TTLL7: variants seen among roughly 807,000 people sequenced by gnomAD.
TTLL7 encodes the protein tubulin polyglutamylase TTLL7.
TTLL7 carries 53 observed loss-of-function variants against 120.2 expected under a neutral mutation model. The observed-to-expected ratio is 0.44, with a 90% CI of 0.35 to 0.55. The LOEUF is 0.55. Among genes scored for constraint, TTLL7 ranks in the 20% least tolerant of loss-of-function variants. TTLL7 has a pLI of 0.00. For synonymous variants in TTLL7, 353 were observed against 351.7 expected (o/e 1.00, Z -0.04); for missense variants, 803 against 1,054.7 (o/e 0.76, Z 3.31).
intron 13 of TTLL7, 126 bp from the exon 14 acceptor site, chr1:83,917,816 A>G (rs572217380): frequency 2.5e-5 from 16 of 645,856 alleles, no homozygotes; most frequent in Non-Finnish European, 3.2e-5. Flanking sequence ...GATTGCTCAG[A>G]AAAAAGGAGA....
Position 83,982,308 on chromosome 1 carries a change from A to C in TTLL7, c.-177+16623T>G, listed in dbSNP as rs1017805713. ...GAAATTTAGACACCTAAATGCTTAC[A>C]TTAGAAAAGAGAAACACTCTCAAAT... On this transcript the variant is annotated intron_variant, in intron 1 of 20. Coordinates refer to ENST00000260505, the MANE Select transcript of TTLL7 (RefSeq NM_024686.6). 3.3e-5 allele frequency among the ~76,000 whole-genome samples: 5 copies of C among 152,340 alleles called. No homozygotes were observed. In the East Asian group the frequency reaches 7.7e-4, roughly 24 times the overall value.
chr1:83,921,272 TG>T lies in TTLL7; in HGVS notation c.1264del (p.Gln422SerfsTer9). ...GSSDWEQQRHQLERRKEELKE... is the reference protein window; with the variant it reads ...GSSDWEQQRHXLERRKEELKE... ...CAACTCTTCTTTCCGCCTCTCCAAC[TG>T]GTGTCTCTGCTGTTCCCAGTCTGAG... is the stretch of plus-strand genomic sequence containing the variant. On this transcript the variant is annotated frameshift_variant, in exon 11 of 21. Coordinates refer to ENST00000260505, the MANE Select transcript of TTLL7 (RefSeq NM_024686.6). LOFTEE classifies it high-confidence loss of function. The T allele has an allele frequency of 6.2e-7, 1 of 1,613,034 alleles. No homozygotes were observed. The highest frequency in any genetic ancestry group is 8.5e-7 in the Non-Finnish European group (1 of 1,179,672).
At chr1:83,900,048 G>T in intron 18 of TTLL7, 1 of 343,754 alleles carries the variant, frequency 2.9e-6, no homozygotes, top group East Asian at 8.8e-5. Context: ...TAAAACATAT[G>T]AAATTGTTTC....
Position 83,878,217 on chromosome 1 carries a change from C to A in TTLL7, c.2543+4746G>T, listed in dbSNP as rs7529245. 7.2e-3 allele frequency among the ~76,000 whole-genome samples: 1,091 copies of A among 150,624 alleles called. 19 individuals carry two copies. Among genetic ancestry groups the A allele is most frequent in the African/African-American group, 0.025 (1,043 of 41,088 alleles). ...TTTGGGTTTGTTTTTTTTTTTATTC[C>A]ACTATATGGTTGATTTTCTAAAATT... On this transcript the variant is annotated intron_variant, in intron 20 of 20. Coordinates refer to ENST00000260505, the MANE Select transcript of TTLL7 (RefSeq NM_024686.6).
In TTLL7 at chr1:83,914,323, C is replaced by CTTTTTTT. The variant is rs1171299360; in HGVS notation, c.1588-2967_1588-2961dup. Among the ~76,000 whole-genome samples, 115 of 78,288 alleles carry CTTTTTTT rather than the reference C, an allele frequency of 1.5e-3. 1 individual carries two copies. Among genetic ancestry groups the CTTTTTTT allele is most frequent in the Non-Finnish European group, 1.8e-3 (82 of 44,744 alleles). 51.4% of individuals were successfully genotyped at this position (78,288 alleles called of 152,430 possible). A position where few individuals can be genotyped will look rare whatever the true frequency, so the allele number is the denominator to read the frequency against. On this transcript the variant is annotated intron_variant, in intron 14 of 20. Coordinates refer to ENST00000260505, the MANE Select transcript of TTLL7 (RefSeq NM_024686.6). ...TAAATGTTCTTCCACCTCTCTCTCT[C>CTTTTTTT]TTTTTTTTTTTTTTTTTTTTTTTTT...
At chr1:83,998,740 A>C (rs1653715637) in intron 1 of TTLL7, among the ~76,000 whole-genome samples, 191 bp downstream of exon 1, 1 of 151,632 alleles carries the variant, frequency 6.6e-6, no homozygotes, top group East Asian at 1.9e-4. Flanking sequence ...CAAACCTCTC[A>C]GGGCACGAAT....
chr1:83,909,215 G>A (rs1657468471), intron 15 of TTLL7, among the ~76,000 whole-genome samples: 1 of 150,806 alleles, frequency 6.6e-6, no homozygotes. Context: ...CTGATCACTG[G>A]GCAGAAGGAA....
chr1:83,919,717 A>T lies in TTLL7; in HGVS notation c.1482T>A (p.Asn494Lys). 2 of 1,612,326 alleles carry T rather than the reference A, an allele frequency of 1.2e-6. No individual in the cohort carries two copies. The highest frequency in any genetic ancestry group is 1.7e-6 in the Non-Finnish European group (2 of 1,179,208). ...RAASFQRELN[N>K]PLKRMKEEDI... The stretch of plus-strand genomic sequence containing the variant: ...CTCTTACCTTCATCCTTTTCAAAGG[A>T]TTATTCAACTCTCGCTGGAATGAAG... Residue 494 changes from asparagine to lysine, a missense_variant, in exon 13 of 21, where the codon AAT becomes AAA. By Grantham distance (94) the Asn-to-Lys change is moderately conservative (BLOSUM62 0). Coordinates refer to ENST00000260505, the MANE Select transcript of TTLL7 (RefSeq NM_024686.6).
intron 1 of TTLL7, among the ~76,000 whole-genome samples, 181 bp downstream of exon 1, chr1:83,998,750 T>A (rs547408111): frequency 7.9e-5 from 12 of 152,002 alleles, no homozygotes; most frequent in Non-Finnish European, 1.6e-4. Flanking sequence ...AGGGCACGAA[T>A]GGTGCTGAAT....
rs931831715 is a variant in TTLL7 at position 83,865,515 on chromosome 1, G to A, written c.*4447C>T. 7.9e-5 allele frequency: 12 copies of A among 151,892 alleles called. No individual in the cohort carries two copies. Among genetic ancestry groups the A allele is most frequent in the Non-Finnish European group, 1.8e-4 (12 of 67,872 alleles). 9.4% of individuals were successfully genotyped at this position (151,892 alleles called of 1,614,324 possible). A position where few individuals can be genotyped will look rare whatever the true frequency, so the allele number is the denominator to read the frequency against. ...ACTTGAGTAATTTTCCCTAATATAC[G>A]ATACATCCCTTTATGACGAGGTCCA... On this transcript the variant is annotated 3_prime_UTR_variant, in exon 21 of 21. Coordinates refer to ENST00000260505, the MANE Select transcript of TTLL7 (RefSeq NM_024686.6).
rs565142872 is a variant in TTLL7, at chr1:83,960,836, T to C, written c.-176-8449A>G. On this transcript the variant is annotated intron_variant, in intron 1 of 20. Coordinates refer to ENST00000260505, the MANE Select transcript of TTLL7 (RefSeq NM_024686.6). ...ATCACCCAAACAACTCTCATAACAATAAAACATTGCCACCACTCATTGTGT... is the reference window on the plus strand; with the variant it reads ...ATCACCCAAACAACTCTCATAACAACAAAACATTGCCACCACTCATTGTGT... Among the ~76,000 whole-genome samples, 111 of 152,164 alleles carry C rather than the reference T, an allele frequency of 7.3e-4. 1 individual carries two copies. The highest frequency in any genetic ancestry group is 2.7e-3 in the South Asian group (13 of 4,828).
chr1:83,942,319 C>G, intron 7 of TTLL7, 144 bp downstream of exon 7: 2 of 623,760 alleles, frequency 3.2e-6, no homozygotes, highest in South Asian at 2.5e-5. Flanking sequence ...TAAAAGCAAT[C>G]TTATTTATGT....
chr1:83,892,403 A>AATATATAT (rs1557563389), intron 18 of TTLL7, among the ~76,000 whole-genome samples: 2,283 of 71,502 alleles, frequency 0.032, 338 homozygotes, highest in Non-Finnish European at 0.045. Flanking sequence ...AATATATATG[A>AATATATAT]ACATATATAT....
chr1:83,895,387 C>T (rs1656123596), intron 18 of TTLL7, among the ~76,000 whole-genome samples: 1 of 152,038 alleles, frequency 6.6e-6, no homozygotes, highest in South Asian at 2.1e-4. Context: ...AGCACTTTTA[C>T]ATATATTAAC....
chr1:83,983,930 C>T, intron 1 of TTLL7: 1 of 152,086 alleles, frequency 6.6e-6, no homozygotes, highest in Non-Finnish European at 1.5e-5. Context: ...TCTCTACAAA[C>T]TATAAACAAA....
At chr1:83,966,660 G>A (rs1438169224) in intron 1 of TTLL7, among the ~76,000 whole-genome samples, 1 of 152,060 alleles carries the variant, frequency 6.6e-6, no homozygotes, top group East Asian at 1.9e-4. Context: ...GTAAGGAAAT[G>A]GGTAGAAAAT....
chr1:83,939,780 T>C (rs1647763737), intron 7 of TTLL7, among the ~76,000 whole-genome samples: 1 of 152,154 alleles, frequency 6.6e-6, no homozygotes, highest in South Asian at 2.1e-4. Flanking sequence ...CATTTAATTC[T>C]TATAGAAATA....
intron 18 of TTLL7, among the ~76,000 whole-genome samples, chr1:83,894,757 G>T (rs60857789): frequency 9.7e-4 from 147 of 152,204 alleles, no homozygotes; most frequent in African/African-American, 3.5e-3. Context: ...CAATTTCCCA[G>T]ATTGGTGAGA....
At chr1:83,914,849 T>C (rs137903273) in intron 14 of TTLL7, among the ~76,000 whole-genome samples, 2 of 152,322 alleles carry the variant, frequency 1.3e-5, no homozygotes, top group African/African-American at 4.8e-5. Context: ...TATGCATATA[T>C]TTAACAAATT....
Sources: allele counts gnomAD v4.1 joint callset (sites outside exome capture counted in the v4.1 genomes callset), GRCh38; gene constraint gnomAD v4.1.1; transcripts MANE v1.5; gene names NCBI Gene and HGNC (gene_info 2026-07-23, HGNC 2026-07-21).